The following HCN1 variants were observed in gnomAD, a reference collection of about 807,000 sequenced individuals.
HCN1 encodes the protein hyperpolarization activated cyclic nucleotide gated potassium channel 1.
Under a neutral mutation model 78.9 loss-of-function variants are expected in HCN1, and 13 were observed. That is an observed-to-expected ratio of 0.16 (90% CI 0.11 to 0.26). The LOEUF is 0.26. HCN1 is among the 10% of genes least tolerant of loss of function. The pLI is 1.00. For missense variants in HCN1, 810 were observed against 1,154.3 expected (o/e 0.70, Z 4.32); for synonymous variants, 552 against 455.5 (o/e 1.21, Z -2.70).
At chr5:45,547,171 C>A (rs1020792967) in intron 2 of HCN1, among the ~76,000 whole-genome samples, 1 of 151,824 alleles carries the variant, frequency 6.6e-6, no homozygotes, top group Admixed American at 6.6e-5. Context: ...TTTAATAGAT[C>A]CTTCATGATA....
chr5:45,353,596 A>C (rs1278484923), intron 4 of HCN1, among the ~76,000 whole-genome samples: 1 of 152,054 alleles, frequency 6.6e-6, no homozygotes, highest in Non-Finnish European at 1.5e-5. Context: ...TAAAAGAAGT[A>C]TGAAATTGTT....
chr5:45,462,144 A>G (rs1741175322), intron 2 of HCN1, 137 bp from the exon 3 acceptor site: 2 of 697,968 alleles, frequency 2.9e-6, no homozygotes, highest in Non-Finnish European at 4.9e-6. Flanking sequence ...GCAGAAATAG[A>G]AACAGATTAC....
intron 2 of HCN1, among the ~76,000 whole-genome samples, chr5:45,514,211 T>C (rs1742475774): frequency 6.6e-6 from 1 of 152,148 alleles, no homozygotes; most frequent in African/African-American, 2.4e-5. Flanking sequence ...CTATGAATTC[T>C]GATTGAAAAC....
intron 2 of HCN1, among the ~76,000 whole-genome samples, chr5:45,578,149 T>C (rs2580261): frequency 0.045 from 6,910 of 152,058 alleles, 554 homozygotes; most frequent in African/African-American, 0.16. Flanking sequence ...ACTCTAGTTC[T>C]CTTTTTAGAT....
At chr5:45,536,375 T>C (rs1742970027) in intron 2 of HCN1, among the ~76,000 whole-genome samples, 1 of 152,146 alleles carries the variant, frequency 6.6e-6, no homozygotes, top group African/African-American at 2.4e-5. Context: ...TATTCTTCCA[T>C]TTTTTTCTTC....
chr5:45,324,199 A>G (rs1464641867), intron 5 of HCN1, among the ~76,000 whole-genome samples: 1 of 151,930 alleles, frequency 6.6e-6, no homozygotes, highest in Non-Finnish European at 1.5e-5. Context: ...AAAAGAAACC[A>G]CAATCTGAGT....
At chr5:45,670,755 A>G (rs1423656599) in intron 1 of HCN1, among the ~76,000 whole-genome samples, 1 of 151,652 alleles carries the variant, frequency 6.6e-6, no homozygotes, top group African/African-American at 2.4e-5. Flanking sequence ...TCCTTCTTTC[A>G]ATGCATATTT....
chr5:45,308,535 G>C (rs1019857106), intron 5 of HCN1, among the ~76,000 whole-genome samples: 4 of 152,072 alleles, frequency 2.6e-5, no homozygotes, highest in African/African-American at 9.7e-5. Context: ...TCATAGTACA[G>C]TCTGGGGTTA....
chr5:45,658,322 G>T (rs765123726), intron 1 of HCN1, among the ~76,000 whole-genome samples: 74 of 152,290 alleles, frequency 4.9e-4, no homozygotes, highest in Non-Finnish European at 1.0e-3. Flanking sequence ...CAGGACATAG[G>T]CATGGGCAAG....
intron 3 of HCN1, among the ~76,000 whole-genome samples, chr5:45,413,275 C>T (rs940741773): frequency 2.0e-5 from 3 of 151,892 alleles, no homozygotes; most frequent in African/African-American, 7.2e-5. Context: ...CAAAGTAAGT[C>T]AGGAATAAAA....
intron 5 of HCN1, among the ~76,000 whole-genome samples, chr5:45,334,223 T>C (rs1364526147): frequency 6.6e-6 from 1 of 151,902 alleles, no homozygotes; most frequent in Non-Finnish European, 1.5e-5. Flanking sequence ...TCTAGTTTAT[T>C]TTCCCTTTTT....
chr5:45,385,227 T>G (rs1356116536), intron 4 of HCN1, among the ~76,000 whole-genome samples: 2 of 152,146 alleles, frequency 1.3e-5, no homozygotes, highest in Non-Finnish European at 2.9e-5. Flanking sequence ...TTATATTATT[T>G]TTATAAAACA....
At chr5:45,396,805 G>T in intron 3 of HCN1, 95 bp from the exon 4 acceptor site, 1 of 894,844 alleles carries the variant, frequency 1.1e-6, no homozygotes, top group Non-Finnish European at 1.9e-6. Context: ...ATAAAATACT[G>T]AATACTGGAA....
At chr5:45,686,406 T>C (rs1183516325) in intron 1 of HCN1, among the ~76,000 whole-genome samples, 3 of 152,190 alleles carry the variant, frequency 2.0e-5, no homozygotes, top group African/African-American at 7.2e-5. Context: ...TTAAATACTA[T>C]TCATTAGCTG....
intron 2 of HCN1, among the ~76,000 whole-genome samples, chr5:45,615,423 G>A (rs1744923680): frequency 6.6e-6 from 1 of 151,984 alleles, no homozygotes; most frequent in African/African-American, 2.4e-5. Context: ...ACTGGGATAT[G>A]TTTTATGCCT....
intron 1 of HCN1, among the ~76,000 whole-genome samples, chr5:45,652,223 A>C (rs2112042199): frequency 6.6e-6 from 1 of 152,050 alleles, no homozygotes; most frequent in South Asian, 2.1e-4. Flanking sequence ...TTGTTTGTTA[A>C]CCTTCTGTCA....
At chr5:45,386,040 G>A (rs143892774) in intron 4 of HCN1, among the ~76,000 whole-genome samples, 3 of 152,264 alleles carry the variant, frequency 2.0e-5, no homozygotes, top group Admixed American at 6.5e-5. Context: ...TTCAACCAGA[G>A]TCTTATCTAA....
intron 4 of HCN1, among the ~76,000 whole-genome samples, chr5:45,385,818 G>C (rs1162038354): frequency 1.3e-5 from 2 of 152,122 alleles, no homozygotes; most frequent in East Asian, 3.9e-4. Context: ...GTCTGTTTGG[G>C]AATAATCGCA....
intron 2 of HCN1, among the ~76,000 whole-genome samples, chr5:45,588,586 G>A (rs1046104191): frequency 6.6e-6 from 1 of 152,024 alleles, no homozygotes; most frequent in African/African-American, 2.4e-5. Flanking sequence ...GCCCCACCAG[G>A]CATTATGATA....
Sources: gnomAD v4.1 joint callset for allele counts (sites outside exome capture counted in the v4.1 genomes callset) on GRCh38, gnomAD v4.1.1 for gene constraint, MANE v1.5 for transcripts, NCBI Gene and HGNC (gene_info 2026-07-23, HGNC 2026-07-21) for gene names.